UQCC3: variants seen among roughly 807,000 people sequenced by gnomAD.
UQCC3 encodes the protein ubiquinol-cytochrome c reductase complex assembly factor 3.
UQCC3 carries 3 observed loss-of-function variants against 3.4 expected under a neutral mutation model. The observed-to-expected ratio is 0.88, with a 90% CI of 0.40 to 2.26. The LOEUF (loss-of-function observed/expected upper bound fraction) is 2.26. Among genes scored for constraint, UQCC3 ranks in the 30% most tolerant of loss-of-function variants. The pLI is 0.05. For missense variants in UQCC3, 141 were observed against 123.0 expected (o/e 1.15, Z -0.69); for synonymous variants, 57 against 57.1 (o/e 1.00, Z 0.00).
intron 1 of UQCC3, 25 bp downstream of exon 1, chr11:62,671,890 GA>G: frequency 6.2e-7 from 1 of 1,613,792 alleles, no homozygotes; most frequent in Non-Finnish European, 8.5e-7. Flanking sequence ...TAGTCCCGAG[GA>G]AGGGTGGGCG....
rs35548045 is a variant in UQCC3 at position 62,672,504 on chromosome 11, ATTTT to A, written c.*409_*412del. 1.6e-3 allele frequency: 175 copies of A among 109,798 alleles called. No homozygotes were observed. The highest frequency in any genetic ancestry group is 0.013 in the South Asian group (50 of 3,920). The allele number at this position is 109,798 out of a possible 1,614,324, so 6.8% of individuals were successfully genotyped here. A position where few individuals can be genotyped will look rare whatever the true frequency, so the allele number is the denominator to read the frequency against. On this transcript the variant is annotated 3_prime_UTR_variant, in exon 2 of 2. Transcript: ENST00000377953. ...CTGATCCCGATAGGTATCTGACCAC[ATTTT>A]TTTTTTTTTTTTTTTTTTGAGACGG...
In UQCC3 at chr11:62,672,158, A is replaced by G. The variant is rs1243274596; in HGVS notation, c.*44A>G. 5.2e-6 allele frequency: 8 copies of G among 1,528,874 alleles called. No individual in the cohort carries two copies. Among genetic ancestry groups the G allele is most frequent in the African/African-American group, 1.4e-5 (1 of 72,906 alleles). The allele number at this position is 1,528,874 out of a possible 1,614,324, so 94.7% of individuals were successfully genotyped here. On this transcript the variant is annotated 3_prime_UTR_variant, in exon 2 of 2. Transcript: ENST00000377953. The stretch of plus-strand genomic sequence containing the variant: ...GGGCGCCGGACCTTGGCTTGGGCGC[A>G]GGAATCCGAGGCAGCCTTTCTCCTT...
At position 62,672,173 on chromosome 11, in the gene UQCC3, C is replaced by G; in HGVS notation, c.*59C>G. On this transcript the variant is annotated 3_prime_UTR_variant, in exon 2 of 2. Transcript: ENST00000377953. ...GCTTGGGCGCAGGAATCCGAGGCAG[C>G]CTTTCTCCTTCGTGGGCCCAGCGGA... The G allele has an allele frequency of 6.7e-7, 1 of 1,500,576 alleles. No individual in the cohort carries two copies. The highest frequency in any genetic ancestry group is 9.0e-7 in the Non-Finnish European group (1 of 1,116,884). The allele number at this position is 1,500,576 out of a possible 1,614,324, so 93.0% of individuals were successfully genotyped here.
In UQCC3 at chr11:62,672,517, T is replaced by TC. The variant is rs1308853022; in HGVS notation, c.*403_*404insC. ...GTATCTGACCACATTTTTTTTTTTTTTTTTTTTTTGAGACGGAGTCAATGT... is the reference window on the plus strand; with the variant it reads ...GTATCTGACCACATTTTTTTTTTTTTCTTTTTTTTTGAGACGGAGTCAATGT... On this transcript the variant is annotated 3_prime_UTR_variant, in exon 2 of 2. Transcript: ENST00000377953. 5.8e-6 allele frequency: 1 copy of TC among 173,720 alleles called. No homozygotes were observed. Among genetic ancestry groups the TC allele is most frequent in the African/African-American group, 2.4e-5 (1 of 41,198 alleles). 10.8% of individuals were successfully genotyped at this position (173,720 alleles called of 1,614,324 possible). A position where few individuals can be genotyped will look rare whatever the true frequency, so the allele number is the denominator to read the frequency against.
intron 1 of UQCC3, 39 bp from the exon 2 acceptor site, chr11:62,671,914 C>G (rs1206804110): frequency 7.4e-6 from 12 of 1,613,158 alleles, no homozygotes; most frequent in Non-Finnish European, 9.3e-6. Context: ...TGGAGAGCCC[C>G]GGACTGGAGC....
rs1944947143 is a variant in UQCC3 at position 62,671,691 on chromosome 11, C to G, written c.-55C>G. The G allele has an allele frequency of 6.2e-7, 1 of 1,601,560 alleles. No homozygotes were observed. Among genetic ancestry groups the G allele is most frequent in the Non-Finnish European group, 8.5e-7 (1 of 1,173,912 alleles). The stretch of plus-strand genomic sequence containing the variant: ...AAGGGGTAGTGAGACCGCGCGGCAA[C>G]AGCTTGCGGCTGCGGGGAGCTCCCG... On this transcript the variant is annotated 5_prime_UTR_variant, in exon 1 of 2. Transcript: ENST00000377953.
In UQCC3 at chr11:62,672,318, C is replaced by G. The variant is rs189253196; in HGVS notation, c.*204C>G. On this transcript the variant is annotated 3_prime_UTR_variant, in exon 2 of 2. Transcript: ENST00000377953. Reference sequence around the variant, plus strand: ...TAAGGTCCGCAAGGCGGGCCAGGGCCGAGACGCGAGTCGGATGTGGTGAAC... The same window carrying G: ...TAAGGTCCGCAAGGCGGGCCAGGGCGGAGACGCGAGTCGGATGTGGTGAAC... 33 of 602,210 alleles carry G rather than the reference C, an allele frequency of 5.5e-5. No homozygotes were observed. Among genetic ancestry groups the G allele is most frequent in the Non-Finnish European group, 7.9e-5 (27 of 341,502 alleles). The allele number at this position is 602,210 out of a possible 1,614,324, so 37.3% of individuals were successfully genotyped here.
chr11:62,672,316 G>A lies in UQCC3; in HGVS notation c.*202G>A. The A allele has an allele frequency of 4.9e-6, 3 of 606,704 alleles. No individual in the cohort carries two copies. The highest frequency in any genetic ancestry group is 2.0e-5 in the South Asian group (1 of 50,426). 37.6% of individuals were successfully genotyped at this position (606,704 alleles called of 1,614,324 possible). A position where few individuals can be genotyped will look rare whatever the true frequency, so the allele number is the denominator to read the frequency against. ...TTTAAGGTCCGCAAGGCGGGCCAGG[G>A]CCGAGACGCGAGTCGGATGTGGTGA... On this transcript the variant is annotated 3_prime_UTR_variant, in exon 2 of 2. Coordinates refer to ENST00000377953, the MANE Select transcript of UQCC3 (RefSeq NM_001085372.3).
Position 62,671,873 on chromosome 11 carries a change from C to T in UQCC3, c.120+8C>T, listed in dbSNP as rs772755868. On this transcript the variant is annotated splice_region_variant and intron_variant, in intron 1 of 1. Transcript: ENST00000377953. The stretch of plus-strand genomic sequence containing the variant: ...AAGCAGGAAATGCTAAAGGTAGAAG[C>T]AACTGGTAGTCCCGAGGAAGGGTGG... The T allele has an allele frequency of 1.4e-5, 22 of 1,613,784 alleles. No individual in the cohort carries two copies. The highest frequency in any genetic ancestry group is 1.9e-5 in the Non-Finnish European group (22 of 1,179,894).
rs375694374 is a variant in UQCC3 at position 62,671,959 on chromosome 11, C to T, written c.127C>T (p.Pro43Ser). 3.3e-5 allele frequency: 54 copies of T among 1,613,786 alleles called. No individual in the cohort carries two copies. Among genetic ancestry groups the T allele is most frequent in the Non-Finnish European group, 4.4e-5 (52 of 1,179,988 alleles). The change falls in exon 2 of 2, where the codon CCA becomes TCA. Residue 43 changes from proline (P) to serine (S), a missense_variant. Coordinates refer to ENST00000377953, the MANE Select transcript of UQCC3 (RefSeq NM_001085372.3). ...RRKQEMLKEM[P>S]LQDPRSREEA... ...CTCCCCTTCCTGCCCTCAGGAGATG[C>T]CACTGCAGGACCCAAGGAGCAGGGA...
chr11:62,672,838 T>C lies in UQCC3; in HGVS notation c.*724T>C, dbSNP rs1944968071. 2 of 147,146 alleles carry C rather than the reference T, an allele frequency of 1.4e-5. No individual in the cohort carries two copies. Among genetic ancestry groups the C allele is most frequent in the Admixed American group, 6.8e-5 (1 of 14,732 alleles). The allele number at this position is 147,146 out of a possible 1,614,324, so 9.1% of individuals were successfully genotyped here. A position where few individuals can be genotyped will look rare whatever the true frequency, so the allele number is the denominator to read the frequency against. On this transcript the variant is annotated 3_prime_UTR_variant, in exon 2 of 2. Transcript: ENST00000377953. ...TTTTCTTTTTTTTGAGATGGAGTCT[T>C]GCTCTTGTCACCCAGGCAGGAGTGC...
In UQCC3 at chr11:62,672,001, C is replaced by T; in HGVS notation, c.169C>T (p.Gln57Ter). The change falls in exon 2 of 2, where the codon CAG (glutamine) becomes TAG (stop). Residue 57 changes from glutamine to a stop codon, truncating the protein, a stop_gained. Coordinates refer to ENST00000377953, the MANE Select transcript of UQCC3 (RefSeq NM_001085372.3). LOFTEE classifies it high-confidence loss of function. The part of the protein sequence containing the change: ...PRSREEAART[Q>*]QLLLATLQEA... ...GAGCAGGGAGGAGGCGGCCAGGACC[C>T]AGCAGCTATTGCTGGCCACTCTGCA... 6.2e-7 allele frequency: 1 copy of T among 1,613,864 alleles called. No individual in the cohort carries two copies. The highest frequency in any genetic ancestry group is 8.5e-7 in the Non-Finnish European group (1 of 1,179,968).
In UQCC3 at chr11:62,671,992, G is replaced by C. The variant is rs1385255357; in HGVS notation, c.160G>C (p.Ala54Pro). ...LQDPRSREEA[A>P]RTQQLLLATL... The stretch of plus-strand genomic sequence containing the variant: ...GGACCCAAGGAGCAGGGAGGAGGCG[G>C]CCAGGACCCAGCAGCTATTGCTGGC... Residue 54 changes from alanine to proline, a missense_variant, in exon 2 of 2, where the codon GCC becomes CCC. Transcript: ENST00000377953. 1 of 1,613,894 alleles carries C rather than the reference G, an allele frequency of 6.2e-7. No homozygotes were observed. The highest frequency in any genetic ancestry group is 1.1e-5 in the South Asian group (1 of 91,066).
chr11:62,672,421 T>C lies in UQCC3; in HGVS notation c.*307T>C. On this transcript the variant is annotated 3_prime_UTR_variant, in exon 2 of 2. Transcript: ENST00000377953. ...ACACCTACCAATGCTTAGAGACGCG[T>C]GGTCGGTGCTGGGGGCGCGGCCTGG... 1 of 406,256 alleles carries C rather than the reference T, an allele frequency of 2.5e-6. No individual in the cohort carries two copies. The highest frequency in any genetic ancestry group is 2.5e-5 in the South Asian group (1 of 40,044). 25.2% of individuals were successfully genotyped at this position (406,256 alleles called of 1,614,324 possible). A position where few individuals can be genotyped will look rare whatever the true frequency, so the allele number is the denominator to read the frequency against.
rs1330723099 is a variant in UQCC3 at position 62,672,977 on chromosome 11, A to G, written c.*863A>G. The G allele has an allele frequency of 6.6e-6, 1 of 151,760 alleles. No individual in the cohort carries two copies. The highest frequency in any genetic ancestry group is 1.5e-5 in the Non-Finnish European group (1 of 67,960). 9.4% of individuals were successfully genotyped at this position (151,760 alleles called of 1,614,324 possible). A position where few individuals can be genotyped will look rare whatever the true frequency, so the allele number is the denominator to read the frequency against. On this transcript the variant is annotated 3_prime_UTR_variant, in exon 2 of 2. Transcript: ENST00000377953. ...GCGTCCGCAACCACGCCCGGCTGAT[A>G]TTAGTAGTTTTAGTAGAGGCGGGTT... is the stretch of plus-strand genomic sequence containing the variant.
chr11:62,672,657 C>G lies in UQCC3; in HGVS notation c.*543C>G, dbSNP rs1368469954. The G allele has an allele frequency of 6.4e-6, 1 of 155,644 alleles. No individual in the cohort carries two copies. The highest frequency in any genetic ancestry group is 2.4e-5 in the African/African-American group (1 of 41,114). 9.6% of individuals were successfully genotyped at this position (155,644 alleles called of 1,614,324 possible). A position where few individuals can be genotyped will look rare whatever the true frequency, so the allele number is the denominator to read the frequency against. Reference sequence around the variant, plus strand: ...TAGCCGGGATCACAAGTGCGCGCCACCAAGCCCAGCTAACTTTTGTGTTTT... The same window carrying G: ...TAGCCGGGATCACAAGTGCGCGCCAGCAAGCCCAGCTAACTTTTGTGTTTT... On this transcript the variant is annotated 3_prime_UTR_variant, in exon 2 of 2. Coordinates refer to ENST00000377953, the MANE Select transcript of UQCC3 (RefSeq NM_001085372.3).
Position 62,671,832 on chromosome 11 carries a change from C to T in UQCC3, c.87C>T (p.Thr29=), listed in dbSNP as rs544265254. 5.1e-5 allele frequency: 83 copies of T among 1,614,136 alleles called. No homozygotes were observed. In the East Asian group the frequency reaches 1.7e-3, roughly 33 times the overall value. Residue 29 remains threonine, a synonymous_variant, in exon 1 of 2, where the codon ACC becomes ACT. Coordinates refer to ENST00000377953, the MANE Select transcript of UQCC3 (RefSeq NM_001085372.3). ...GCTACGCGCTCCTCGTTATCGTGAC[C>T]CCGGGAGAGCGGCGGAAGCAGGAAA... ...GVGYALLVIV[T]PGERRKQEML...
Position 62,673,446 on chromosome 11 carries a change from G to A in UQCC3, c.*1332G>A, listed in dbSNP as rs978033702. 1 of 152,194 alleles carries A rather than the reference G, an allele frequency of 6.6e-6. No homozygotes were observed. The highest frequency in any genetic ancestry group is 2.4e-5 in the African/African-American group (1 of 41,510). 9.4% of individuals were successfully genotyped at this position (152,194 alleles called of 1,614,324 possible). A position where few individuals can be genotyped will look rare whatever the true frequency, so the allele number is the denominator to read the frequency against. ...CTGTTCTATGAAAGGTCATAACTAC[G>A]AGGATTATTGTAAAACATTAATTTA... On this transcript the variant is annotated 3_prime_UTR_variant, in exon 2 of 2. Coordinates refer to ENST00000377953, the MANE Select transcript of UQCC3 (RefSeq NM_001085372.3).
chr11:62,671,918 C>T, intron 1 of UQCC3, 35 bp from the exon 2 acceptor site: 3 of 1,613,172 alleles, frequency 1.9e-6, no homozygotes, highest in Admixed American at 1.7e-5. Flanking sequence ...GAGCCCCGGA[C>T]TGGAGCTCCT....
Sources: gnomAD v4.1 joint callset for allele counts on GRCh38, gnomAD v4.1.1 for gene constraint, MANE v1.5 for transcripts, NCBI Gene and HGNC (gene_info 2026-07-23, HGNC 2026-07-21) for gene names.